Variants in ZNF484 observed in about 807,000 individuals in gnomAD.
ZNF484 encodes the protein zinc finger protein 484, also known as KRAB box containing C2H2 type zinc finger bA526D8.4.
ZNF484 carries 11 observed loss-of-function variants against 12.9 expected under a neutral mutation model. The observed-to-expected ratio is 0.85, with a 90% CI of 0.54 to 1.41. The LOEUF (loss-of-function observed/expected upper bound fraction) is 1.41, where lower values mean the gene tolerates loss of function less well. ZNF484 is among the 40% of genes most tolerant of loss of function. The pLI, the probability that ZNF484 is intolerant of heterozygous loss-of-function variation, is 0.00. For missense variants in ZNF484, 807 were observed against 1,007.7 expected, an observed-to-expected ratio of 0.80 and a Z score of 2.70; for synonymous variants, 289 against 334.1, an observed-to-expected ratio of 0.86 and a Z score of 1.47.
intron 2 of ZNF484, among the ~76,000 whole-genome samples, chr9:92,873,871 C>A (rs1170268228): frequency 2.6e-5 from 4 of 151,656 alleles, no homozygotes; most frequent in African/African-American, 9.7e-5. Context: ...AAAAAAAAAG[C>A]GATATCCTTC....
intron 2 of ZNF484, among the ~76,000 whole-genome samples, chr9:92,867,373 T>A (rs1395659382): frequency 1.3e-5 from 2 of 152,098 alleles, no homozygotes; most frequent in Admixed American, 6.5e-5. Context: ...TCCCAGCTAC[T>A]TGGGAGGCTG....
At chr9:92,860,460 C>G (rs1159013805) in intron 2 of ZNF484, among the ~76,000 whole-genome samples, 4 of 151,792 alleles carry the variant, frequency 2.6e-5, no homozygotes, top group Non-Finnish European at 5.9e-5. Context: ...AAAAATTAGC[C>G]GGGCATGGTG....
rs1274330887 is a variant in ZNF484, at chr9:92,844,692, T to C, written c.*1536A>G. ...ACAACTTTCAACTTAGAATTCTATA[T>C]TCAGTAAAAGTATCCTTCAAAAATG... On this transcript the variant is annotated 3_prime_UTR_variant, in exon 5 of 5. Coordinates refer to ENST00000375495, the MANE Select transcript of ZNF484 (RefSeq NM_031486.4). Among the ~76,000 whole-genome samples, 1 of 152,172 alleles carries C rather than the reference T, an allele frequency of 6.6e-6. No individual in the cohort carries two copies.
intron 4 of ZNF484, among the ~76,000 whole-genome samples, chr9:92,850,652 C>T (rs953707254): frequency 6.6e-6 from 1 of 152,096 alleles, no homozygotes; most frequent in African/African-American, 2.4e-5. Context: ...GGCGCGATCT[C>T]GGCTCACTGC....
intron 2 of ZNF484, among the ~76,000 whole-genome samples, chr9:92,858,981 C>T (rs1020778254): frequency 2.6e-5 from 4 of 151,956 alleles, no homozygotes; most frequent in African/African-American, 9.7e-5. Context: ...AAAAAATTAG[C>T]TGGGTGTGGT....
intron 2 of ZNF484, among the ~76,000 whole-genome samples, chr9:92,865,215 G>A (rs1564112659): frequency 6.6e-6 from 1 of 152,162 alleles, no homozygotes; most frequent in East Asian, 1.9e-4. Context: ...CAAGGCAGGA[G>A]GATTGCTTGA....
chr9:92,870,399 A>G (rs1185480920), intron 2 of ZNF484, among the ~76,000 whole-genome samples: 1 of 152,250 alleles, frequency 6.6e-6, no homozygotes, highest in East Asian at 1.9e-4. Context: ...AGATTATAAA[A>G]CAACAAAAAA....
rs774609142 is a variant in ZNF484 at position 92,847,854 on chromosome 9, A to T, written c.933T>A (p.Asp311Glu). ...TCTGACGGTTTGACTTGAGGGAAAAATCCTTCTCATATTCAGTGCATATTC... is the reference window on the plus strand; with the variant it reads ...TCTGACGGTTTGACTTGAGGGAAAATTCCTTCTCATATTCAGTGCATATTC... The part of the protein sequence containing the change: ...YAGICTEYEK[D>E]FSLKSNRQKT... Residue 311 changes from aspartate to glutamate, a missense_variant, in exon 5 of 5, where the codon GAT (aspartate) becomes GAA (glutamate). Transcript: ENST00000375495. 7 of 1,614,012 alleles carry T rather than the reference A, an allele frequency of 4.3e-6. No individual in the cohort carries two copies. The South Asian group carries it at 7.7e-5, about 18-fold the overall frequency.
At chr9:92,872,879 C>A (rs1427189980) in intron 2 of ZNF484, among the ~76,000 whole-genome samples, 1 of 151,528 alleles carries the variant, frequency 6.6e-6, no homozygotes. Context: ...ACTTTGGAGG[C>A]CAGAAGGAAG....
intron 2 of ZNF484, chr9:92,862,174 A>C (rs770630599): frequency 6.4e-5 from 62 of 968,426 alleles, no homozygotes; most frequent in Non-Finnish European, 7.6e-5. Context: ...GTCTGAAAAA[A>C]AAAATAAAAA....
In ZNF484 at chr9:92,845,946, C is replaced by A; in HGVS notation, c.*282G>T. 2.5e-6 allele frequency: 1 copy of A among 395,430 alleles called. No individual in the cohort carries two copies. The highest frequency in any genetic ancestry group is 4.6e-5 in the East Asian group (1 of 21,846). The allele number at this position is 395,430 out of a possible 1,614,324, so 24.5% of individuals were successfully genotyped here. Reference sequence around the variant, plus strand: ...GACAATGTAAAATTATCTCATCATACTACTCATTATGAATTTTTGCGGGTC... The same window carrying A: ...GACAATGTAAAATTATCTCATCATAATACTCATTATGAATTTTTGCGGGTC... On this transcript the variant is annotated 3_prime_UTR_variant, in exon 5 of 5. Transcript: ENST00000375495. The surrounding 1 kb of genome is among the most constrained non-coding windows in gnomAD (Gnocchi z 4.0).
At chr9:92,869,696 C>A (rs1857318488) in intron 2 of ZNF484, among the ~76,000 whole-genome samples, 1 of 152,144 alleles carries the variant, frequency 6.6e-6, no homozygotes, top group Non-Finnish European at 1.5e-5. Flanking sequence ...TAGATAACTG[C>A]TTAAAACTGA....
At position 92,844,937 on chromosome 9, in the gene ZNF484, C is replaced by T. The variant is rs1284268885; in HGVS notation, c.*1291G>A. 1 of 152,092 alleles carries T rather than the reference C, an allele frequency of 6.6e-6. No individual in the cohort carries two copies. The highest frequency in any genetic ancestry group is 2.4e-5 in the African/African-American group (1 of 41,442). 9.4% of individuals were successfully genotyped at this position (152,092 alleles called of 1,614,324 possible). A position where few individuals can be genotyped will look rare whatever the true frequency, so the allele number is the denominator to read the frequency against. The stretch of plus-strand genomic sequence containing the variant: ...AATGATTGGCTATGTTCACCATGTA[C>T]AGAATCCAAATATACAAAATTAATA... On this transcript the variant is annotated 3_prime_UTR_variant, in exon 5 of 5. Transcript: ENST00000375495.
chr9:92,850,110 T>C (rs904604769), intron 4 of ZNF484, among the ~76,000 whole-genome samples: 3 of 152,210 alleles, frequency 2.0e-5, no homozygotes, highest in African/African-American at 7.2e-5. Flanking sequence ...CAAGACCCTG[T>C]CTCTTAAAAA....
At chr9:92,876,857 T>C (rs117724026) in intron 1 of ZNF484, among the ~76,000 whole-genome samples, 4,132 of 152,248 alleles carry the variant, frequency 0.027, 90 homozygotes, top group Non-Finnish European at 0.043. Context: ...AAGATAAAGA[T>C]TTGAAAAATA....
At position 92,847,654 on chromosome 9, in the gene ZNF484, T is replaced by C; in HGVS notation, c.1133A>G (p.His378Arg). ...NSNLNIHKKI[H>R]TGGKHFECTE... ...ACATTCAAAGTGTTTCCCTCCAGTA[T>C]GAATTTTTTTATGTATATTAAGGTT... The change falls in exon 5 of 5, where the codon CAT becomes CGT. Residue 378 changes from histidine (H) to arginine (R), a missense_variant. His to Arg is a conservative substitution (Grantham distance 29). Transcript: ENST00000375495. The C allele has an allele frequency of 6.2e-7, 1 of 1,613,510 alleles. No homozygotes were observed. Among genetic ancestry groups the C allele is most frequent in the Non-Finnish European group, 8.5e-7 (1 of 1,179,920 alleles).
At chr9:92,852,747 G>C (rs1856184822) in intron 4 of ZNF484, among the ~76,000 whole-genome samples, 1 of 151,000 alleles carries the variant, frequency 6.6e-6, no homozygotes, top group South Asian at 2.1e-4. Flanking sequence ...ATGTTGGCCA[G>C]GCTAGTCTCA....
intron 2 of ZNF484, among the ~76,000 whole-genome samples, chr9:92,864,449 A>C (rs1446696704): frequency 2.0e-5 from 3 of 152,164 alleles, no homozygotes; most frequent in Non-Finnish European, 4.4e-5. Context: ...CAACAACAAA[A>C]AAAAAAGGTG....
intron 2 of ZNF484, among the ~76,000 whole-genome samples, chr9:92,872,155 C>T (rs10821031): frequency 0.42 from 62,641 of 148,734 alleles, 13,954 homozygotes; most frequent in African/African-American, 0.57. Flanking sequence ...CGCTGGAACC[C>T]GGAAGGCGGA....
Sources: allele counts gnomAD v4.1 joint callset (sites outside exome capture counted in the v4.1 genomes callset), GRCh38; gene constraint gnomAD v4.1.1; non-coding constraint Gnocchi (gnomAD v3.1); transcripts MANE v1.5; gene names NCBI Gene and HGNC (gene_info 2026-07-23, HGNC 2026-07-21).